Variants in JMY observed in about 807,000 individuals in gnomAD.
JMY encodes the protein junction-mediating and -regulatory protein.
In JMY, 46 loss-of-function variants were observed where a neutral mutation model predicts 103.3. That is an observed-to-expected ratio of 0.45 (90% CI 0.35 to 0.57). JMY has a LOEUF of 0.57. Ranked by LOEUF, JMY falls within the 20% of genes least tolerant of loss-of-function variation. The pLI is 0.00. For synonymous variants in JMY, 526 were observed against 489.3 expected (o/e 1.07, Z -0.99); for missense variants, 1,238 against 1,255.2 (o/e 0.99, Z 0.21).
intron 1 of JMY, among the ~76,000 whole-genome samples, chr5:79,259,759 G>T (rs1745361149): frequency 6.6e-6 from 1 of 152,238 alleles, no homozygotes; most frequent in African/African-American, 2.4e-5. Flanking sequence ...AGTGGAACAG[G>T]CGCTGATATT....
At chr5:79,269,216 T>C (rs572873494) in intron 1 of JMY, among the ~76,000 whole-genome samples, 1 of 152,326 alleles carries the variant, frequency 6.6e-6, no homozygotes, top group East Asian at 1.9e-4. Context: ...GACTCTTCTA[T>C]TGAATTGTCT....
chr5:79,315,736 C>CAGG, intron 9 of JMY, among the ~76,000 whole-genome samples: 1 of 152,192 alleles, frequency 6.6e-6, no homozygotes, highest in South Asian at 2.1e-4. Context: ...CCTCCCAGTT[C>CAGG]CCAATCTGGT....
At position 79,322,007 on chromosome 5, in the gene JMY, G is replaced by A. The variant is rs539936214; in HGVS notation, c.*405G>A. 6.6e-6 allele frequency: 1 copy of A among 152,250 alleles called. No homozygotes were observed. The highest frequency in any genetic ancestry group is 6.5e-5 in the Admixed American group (1 of 15,276). The allele number at this position is 152,250 out of a possible 1,614,324, so 9.4% of individuals were successfully genotyped here. A position where few individuals can be genotyped will look rare whatever the true frequency, so the allele number is the denominator to read the frequency against. On this transcript the variant is annotated 3_prime_UTR_variant, in exon 11 of 11. Transcript: ENST00000396137. ...TTTGAGAACCATCTTTCAATGCACT[G>A]AAAAGTCATCTGAAAAAATAGCTTC... is the stretch of plus-strand genomic sequence containing the variant.
At chr5:79,300,648 A>C (rs1486572947) in intron 5 of JMY, 28 bp from the exon 6 acceptor site, 1 of 1,552,554 alleles carries the variant, frequency 6.4e-7, no homozygotes, top group Non-Finnish European at 8.7e-7. Context: ...ATTCTTTACC[A>C]CTACTCTTTT....
rs58676388 is a variant in JMY, at chr5:79,261,279, ACAGGT to A, written c.1033-16630_1033-16626del. Among the ~76,000 whole-genome samples, 54 of 152,306 alleles carry A rather than the reference ACAGGT, an allele frequency of 3.5e-4. No individual in the cohort carries two copies. In the East Asian group the frequency reaches 9.6e-3, roughly 27 times the overall value. On this transcript the variant is annotated intron_variant, in intron 1 of 10. Transcript: ENST00000396137. ...CAATGTAAATTGATAGCATATCCTT[ACAGGT>A]GCAGTCACCCCCCTGCCCACCAGAC...
chr5:79,317,004 T>A (rs1274321774), intron 10 of JMY, among the ~76,000 whole-genome samples: 1 of 151,600 alleles, frequency 6.6e-6, no homozygotes, highest in Admixed American at 6.6e-5. Flanking sequence ...GCCCAGGCGT[T>A]CAAATCCGGC....
chr5:79,290,574 G>A (rs912827479), intron 3 of JMY, among the ~76,000 whole-genome samples: 9 of 152,060 alleles, frequency 5.9e-5, no homozygotes, highest in Admixed American at 2.6e-4. Context: ...TAATAACACC[G>A]GACATGTGAG....
intron 2 of JMY, among the ~76,000 whole-genome samples, chr5:79,283,730 T>C (rs1746188403): frequency 6.6e-6 from 1 of 152,196 alleles, no homozygotes; most frequent in Non-Finnish European, 1.5e-5. Flanking sequence ...ACTCTAGGAA[T>C]GGACCTCAGC....
At chr5:79,296,855 A>G (rs780095573) in intron 4 of JMY, among the ~76,000 whole-genome samples, 2 of 152,208 alleles carry the variant, frequency 1.3e-5, no homozygotes, top group African/African-American at 2.4e-5. Context: ...ATAGTTTGCA[A>G]AAAGTGCCAT....
intron 6 of JMY, among the ~76,000 whole-genome samples, chr5:79,305,421 C>G (rs935702208): frequency 1.3e-5 from 2 of 151,976 alleles, no homozygotes; most frequent in Non-Finnish European, 2.9e-5. Context: ...CCACCACACT[C>G]CAGCCTGGGC....
At position 79,236,544 on chromosome 5, in the gene JMY, C is replaced by T. The variant is rs1254696665; in HGVS notation, c.-107C>T. The stretch of plus-strand genomic sequence containing the variant: ...AGAGCCGGCCGGCGCACTAAGATGG[C>T]TGAAGGCGCCCGGCGAGGGTGAGCG... On this transcript the variant is annotated 5_prime_UTR_variant, in exon 1 of 11. Transcript: ENST00000396137. 15 of 933,346 alleles carry T rather than the reference C, an allele frequency of 1.6e-5. No homozygotes were observed. The highest frequency in any genetic ancestry group is 2.0e-5 in the Non-Finnish European group (14 of 697,044). The allele number at this position is 933,346 out of a possible 1,614,324, so 57.8% of individuals were successfully genotyped here.
At position 79,237,437 on chromosome 5, in the gene JMY, C is replaced by A. The variant is rs766169814; in HGVS notation, c.787C>A (p.Pro263Thr). 1.2e-6 allele frequency: 2 copies of A among 1,613,716 alleles called. No homozygotes were observed. The highest frequency in any genetic ancestry group is 1.7e-6 in the Non-Finnish European group (2 of 1,180,040). The change falls in exon 1 of 11, where the codon CCT (proline) becomes ACT (threonine). Residue 263 changes from proline to threonine, a missense_variant. Pro to Thr is a conservative substitution (Grantham distance 38). Transcript: ENST00000396137. ...EPCLPVFPEEPSGMWTVLFGG... is the reference protein window; with the variant it reads ...EPCLPVFPEETSGMWTVLFGG... The stretch of plus-strand genomic sequence containing the variant: ...GTGCCTGCCGGTGTTCCCCGAGGAA[C>A]CTTCGGGCATGTGGACTGTGCTGTT...
intron 1 of JMY, among the ~76,000 whole-genome samples, chr5:79,261,597 G>A (rs928515530): frequency 3.3e-5 from 5 of 152,126 alleles, no homozygotes; most frequent in African/African-American, 7.2e-5. Flanking sequence ...AGACAAAGGC[G>A]TGAATTACTA....
At chr5:79,253,519 C>T (rs1437720903) in intron 1 of JMY, among the ~76,000 whole-genome samples, 1 of 152,140 alleles carries the variant, frequency 6.6e-6, no homozygotes, top group Non-Finnish European at 1.5e-5. Context: ...GTCTTGATCT[C>T]CTGACCTCAT....
intron 8 of JMY, 104 bp downstream of exon 8, chr5:79,312,602 C>T: frequency 5.6e-6 from 3 of 537,992 alleles, no homozygotes; most frequent in South Asian, 4.9e-5. Context: ...CTTGGTTTTC[C>T]CTTATTTATA....
At chr5:79,281,212 T>C (rs1332982739) in intron 2 of JMY, among the ~76,000 whole-genome samples, 2 of 151,424 alleles carry the variant, frequency 1.3e-5, no homozygotes, top group South Asian at 2.1e-4. Context: ...ACCCGGCTAA[T>C]TTTTTGTATT....
chr5:79,313,420 A>AAAAC (rs984728849), intron 8 of JMY, among the ~76,000 whole-genome samples: 1 of 152,150 alleles, frequency 6.6e-6, no homozygotes, highest in Non-Finnish European at 1.5e-5. Flanking sequence ...CCCTGTCTCA[A>AAAAC]AAACAAACAA....
rs776860845 is a variant in JMY at position 79,260,097 on chromosome 5, G to T, written c.1033-17813G>T. Among the ~76,000 whole-genome samples, 39 of 152,342 alleles carry T rather than the reference G, an allele frequency of 2.6e-4. No homozygotes were observed. The Middle Eastern group carries it at 0.017, about 66-fold the overall frequency. On this transcript the variant is annotated intron_variant, in intron 1 of 10. Coordinates refer to ENST00000396137, the MANE Select transcript of JMY (RefSeq NM_152405.5). The stretch of plus-strand genomic sequence containing the variant: ...CAGGACAGTGGTCGAGGTACAGGTG[G>T]CATGGCAGCCCTGGCCAGCGCCACA...
chr5:79,302,590 G>T (rs1746770970), intron 6 of JMY, among the ~76,000 whole-genome samples: 1 of 152,180 alleles, frequency 6.6e-6, no homozygotes, highest in Admixed American at 6.5e-5. Context: ...CAAAGACACT[G>T]AAGCAGAAAA....
Sources: gnomAD v4.1 joint callset for allele counts (sites outside exome capture counted in the v4.1 genomes callset) on GRCh38, gnomAD v4.1.1 for gene constraint, MANE v1.5 for transcripts, NCBI Gene and HGNC (gene_info 2026-07-23, HGNC 2026-07-21) for gene names.